Variants in ABCG8 observed in about 807,000 individuals in gnomAD.
The protein encoded by ABCG8 is ATP-binding cassette sub-family G member 8.
In ABCG8, 81 loss-of-function variants were observed where a neutral mutation model predicts 71.3. That is an observed-to-expected ratio of 1.14 (90% CI 0.95 to 1.37). ABCG8 has a LOEUF of 1.37. Among genes scored for constraint, ABCG8 ranks in the 40% most tolerant of loss-of-function variants. The pLI, the probability that ABCG8 is intolerant of heterozygous loss-of-function variation, is 0.00. For missense variants in ABCG8, 1,119 were observed against 866.2 expected (o/e 1.29, Z -3.66); for synonymous variants, 451 against 354.7 (o/e 1.27, Z -3.05).
chr2:43,850,032 G>A (rs1043986364), intron 3 of ABCG8, among the ~76,000 whole-genome samples: 8 of 151,966 alleles, frequency 5.3e-5, no homozygotes, highest in Admixed American at 2.0e-4. Context: ...AAACCCCGTC[G>A]CTGCTAAAAA....
rs200013237 is a variant in ABCG8 at position 43,851,711 on chromosome 2, C to A, written c.450C>A (p.His150Gln). ...AGCTGGTGAGGAAGTGTGTGGCCCA[C>A]GTGCGCCAGCACAACCAGCTGCTCC... ...SPQLVRKCVA[H>Q]VRQHNQLLPN... Residue 150 changes from histidine to glutamine, a missense_variant, in exon 4 of 13, where the codon CAC becomes CAA. Transcript: ENST00000272286. 50 of 1,614,116 alleles carry A rather than the reference C, an allele frequency of 3.1e-5. No individual in the cohort carries two copies. Among genetic ancestry groups the A allele is most frequent in the Non-Finnish European group, 4.2e-5 (50 of 1,180,044 alleles).
chr2:43,845,384 T>G (rs1668713112), intron 2 of ABCG8, among the ~76,000 whole-genome samples: 1 of 152,130 alleles, frequency 6.6e-6, no homozygotes, highest in Non-Finnish European at 1.5e-5. Flanking sequence ...CTGTGTGACC[T>G]TGAGCAAGTT....
At position 43,875,205 on chromosome 2, in the gene ABCG8, C is replaced by T. The variant is rs1357278551; in HGVS notation, c.1548C>T (p.Tyr516=). The stretch of plus-strand genomic sequence containing the variant: ...TCATCATCTACGGGATGCCCACCTA[C>T]TGGCTGGCCAACCTGAGGCCAGGCC... The part of the protein sequence containing the change: ...AYIIIYGMPT[Y]WLANLRPGLQ... Residue 516 remains tyrosine, a synonymous_variant, in exon 11 of 13, where the codon TAC becomes TAT. Transcript: ENST00000272286. 1 of 1,614,152 alleles carries T rather than the reference C, an allele frequency of 6.2e-7. No individual in the cohort carries two copies. Among genetic ancestry groups the T allele is most frequent in the Non-Finnish European group, 8.5e-7 (1 of 1,180,060 alleles).
intron 1 of ABCG8, among the ~76,000 whole-genome samples, chr2:43,841,945 T>C (rs1221385856): frequency 6.6e-6 from 1 of 152,132 alleles, no homozygotes; most frequent in Non-Finnish European, 1.5e-5. Flanking sequence ...CTCCTGCAGA[T>C]ATTTGTTTTA....
rs1668978548 is a variant in ABCG8 at position 43,852,906 on chromosome 2, C to T, written c.964+38C>T. 4.4e-6 allele frequency: 7 copies of T among 1,608,512 alleles called. No individual in the cohort carries two copies. In the South Asian group the frequency reaches 7.7e-5, roughly 18 times the overall value. On this transcript the variant is annotated intron_variant, in intron 6 of 12. Coordinates refer to ENST00000272286, the MANE Select transcript of ABCG8 (RefSeq NM_022437.3). ...GGCCAGCAGCCAGGGCCCTGGCACA[C>T]AGGGCCTCCCCGATGCTTAAACCCT...
chr2:43,846,393 G>A (rs890405282), intron 3 of ABCG8, 82 bp downstream of exon 3: 15 of 1,589,762 alleles, frequency 9.4e-6, no homozygotes, highest in Non-Finnish European at 1.1e-5. Flanking sequence ...TGCTTCTTAT[G>A]GAGCTCTTTG....
chr2:43,869,621 A>G lies in ABCG8; in HGVS notation c.965-2355A>G, dbSNP rs528467570. Among the ~76,000 whole-genome samples, 6 of 150,978 alleles carry G rather than the reference A, an allele frequency of 4.0e-5. No individual in the cohort carries two copies. The East Asian group carries it at 1.0e-3, about 25-fold the overall frequency. Reference sequence around the variant, plus strand: ...TTACTCTCTGGATAGAACTCTCACTATCTTTTTGGTTAGAACTGTCACCCT... The same window carrying G: ...TTACTCTCTGGATAGAACTCTCACTGTCTTTTTGGTTAGAACTGTCACCCT... On this transcript the variant is annotated intron_variant, in intron 6 of 12. Transcript: ENST00000272286.
At chr2:43,849,430 C>A (rs978523391) in intron 3 of ABCG8, among the ~76,000 whole-genome samples, 1 of 152,122 alleles carries the variant, frequency 6.6e-6, no homozygotes, top group Non-Finnish European at 1.5e-5. Flanking sequence ...AGAGTGTAAA[C>A]TTTTTAAACT....
chr2:43,858,650 A>C (rs1669195777), intron 6 of ABCG8, among the ~76,000 whole-genome samples: 1 of 147,670 alleles, frequency 6.8e-6, no homozygotes, highest in African/African-American at 2.5e-5. Context: ...CTCTGGATAG[A>C]ACTTTCACTA....
At position 43,881,013 on chromosome 2, in the gene ABCG8, C is replaced by T. The variant is rs777104594; in HGVS notation, c.*3100C>T. ...CCCACCTCCTTGTCACTGTGGTCCC[C>T]TAATGGCGTTAGGCCTGAATGAAGA... On this transcript the variant is annotated 3_prime_UTR_variant, in exon 13 of 13. Coordinates refer to ENST00000272286, the MANE Select transcript of ABCG8 (RefSeq NM_022437.3). 6.6e-6 allele frequency: 1 copy of T among 152,344 alleles called. No homozygotes were observed. The highest frequency in any genetic ancestry group is 1.5e-5 in the Non-Finnish European group (1 of 68,108). 9.4% of individuals were successfully genotyped at this position (152,344 alleles called of 1,614,324 possible). A position where few individuals can be genotyped will look rare whatever the true frequency, so the allele number is the denominator to read the frequency against.
intron 4 of ABCG8, 116 bp downstream of exon 4, chr2:43,851,938 C>A: frequency 8.2e-7 from 1 of 1,213,932 alleles, no homozygotes; most frequent in Non-Finnish European, 1.2e-6. Flanking sequence ...TTGAACAACT[C>A]AGCTTGCCTT....
rs778440872 is a variant in ABCG8 at position 43,872,079 on chromosome 2, A to G, written c.1068A>G (p.Leu356=). Residue 356 remains leucine, a synonymous_variant, in exon 7 of 13, where the codon TTA becomes TTG. Coordinates refer to ENST00000272286, the MANE Select transcript of ABCG8 (RefSeq NM_022437.3). ...AALFLEKVRD[L]DDFLWKAETK... The stretch of plus-strand genomic sequence containing the variant: ...TGTTTCTAGAAAAAGTGCGTGACTT[A>G]GATGACTTTCTATGGAAAGCAGAGA... 3 of 1,614,136 alleles carry G rather than the reference A, an allele frequency of 1.9e-6. No homozygotes were observed. Among genetic ancestry groups the G allele is most frequent in the Non-Finnish European group, 2.5e-6 (3 of 1,180,038 alleles).
At chr2:43,845,955 C>G (rs987668932) in intron 2 of ABCG8, among the ~76,000 whole-genome samples, 200 bp from the exon 3 acceptor site, 5 of 152,154 alleles carry the variant, frequency 3.3e-5, no homozygotes, top group Non-Finnish European at 5.9e-5. Flanking sequence ...ATCTTCAGAC[C>G]TAGAAACAGC....
At chr2:43,850,874 C>T (rs532062185) in intron 3 of ABCG8, among the ~76,000 whole-genome samples, 7 of 148,812 alleles carry the variant, frequency 4.7e-5, no homozygotes, top group Admixed American at 4.0e-4. Flanking sequence ...CACACCATTG[C>T]ACTCCAGCCT....
chr2:43,865,007 A>G (rs933597515), intron 6 of ABCG8, among the ~76,000 whole-genome samples: 3 of 150,736 alleles, frequency 2.0e-5, no homozygotes, highest in African/African-American at 7.3e-5. Flanking sequence ...TAGAATTCTC[A>G]CCCTCTGGAT....
chr2:43,871,919 C>T (rs1008196282), intron 6 of ABCG8, 57 bp from the exon 7 acceptor site: 16 of 1,611,690 alleles, frequency 9.9e-6, no homozygotes, highest in African/African-American at 1.3e-5. Context: ...AAGCTCTTCA[C>T]CTGTGAGCAG....
Position 43,852,655 on chromosome 2 carries a change from C to T in ABCG8, c.751C>T (p.Leu251=). ...GCTCGACAGCTTCACAGCCCACAAC[C>T]TGGTGAAGACCTTGTCCAGGCTGGC... The part of the protein sequence containing the change: ...SGLDSFTAHN[L]VKTLSRLAKG... Residue 251 remains leucine (L), a synonymous_variant, in exon 6 of 13, where the codon CTG becomes TTG. Transcript: ENST00000272286. The T allele has an allele frequency of 6.2e-7, 1 of 1,614,174 alleles. No individual in the cohort carries two copies. The highest frequency in any genetic ancestry group is 8.5e-7 in the Non-Finnish European group (1 of 1,180,032).
intron 10 of ABCG8, 94 bp downstream of exon 10, chr2:43,874,577 C>G (rs1669896949): frequency 9.7e-7 from 1 of 1,031,798 alleles, no homozygotes; most frequent in African/African-American, 1.6e-5. Flanking sequence ...TTTTCTGAAC[C>G]ATGGGGCCGT....
chr2:43,866,811 A>G (rs896741214), intron 6 of ABCG8, among the ~76,000 whole-genome samples: 5 of 150,958 alleles, frequency 3.3e-5, no homozygotes, highest in Admixed American at 6.6e-5. Flanking sequence ...ATCTAGAACT[A>G]GAAATACTAT....
Sources: gnomAD v4.1 joint callset for allele counts (sites outside exome capture counted in the v4.1 genomes callset) on GRCh38, gnomAD v4.1.1 for gene constraint, MANE v1.5 for transcripts, NCBI Gene and HGNC (gene_info 2026-07-23, HGNC 2026-07-21) for gene names.